Variants in TMEM182 observed in about 807,000 individuals in gnomAD.
TMEM182 encodes transmembrane protein 182.
Under a neutral mutation model 26.8 loss-of-function variants are expected in TMEM182, and 20 were observed. The observed-to-expected ratio is 0.75, with a 90% CI of 0.53 to 1.09. The LOEUF (loss-of-function observed/expected upper bound fraction) is 1.09. Ranked by LOEUF, TMEM182 falls within the 50% of genes least tolerant of loss-of-function variation. The pLI, the probability that TMEM182 is intolerant of heterozygous loss-of-function variation, is 0.00. For missense variants in TMEM182, 277 were observed against 275.5 expected, an observed-to-expected ratio of 1.01 and a Z score of -0.04; for synonymous variants, 109 against 102.2, an observed-to-expected ratio of 1.07 and a Z score of -0.40.
chr2:102,780,302 G>T (rs1681113464), intron 3 of TMEM182, among the ~76,000 whole-genome samples: 1 of 152,088 alleles, frequency 6.6e-6, no homozygotes, highest in Admixed American at 6.6e-5. Context: ...GAAGGAGTAG[G>T]CATTGCCTCA....
chr2:102,842,236 G>C (rs1365903256), intron 3 of TMEM182, among the ~76,000 whole-genome samples: 2 of 152,096 alleles, frequency 1.3e-5, no homozygotes, highest in African/African-American at 4.8e-5. Flanking sequence ...ATTATTATCT[G>C]TATGCTCCTA....
chr2:102,806,718 C>T (rs79596867), intron 4 of TMEM182, among the ~76,000 whole-genome samples: 6,370 of 152,234 alleles, frequency 0.042, 454 homozygotes, highest in African/African-American at 0.15. Context: ...TTGTCATGTT[C>T]CAGGCACTGT....
downstream of TMEM182, among the ~76,000 whole-genome samples, chr2:102,821,828 A>G (rs556972437): frequency 8.5e-5 from 13 of 152,136 alleles, no homozygotes; most frequent in South Asian, 2.3e-3. Flanking sequence ...CTCTACTAAA[A>G]ATACAAAAAA....
chr2:102,756,406 C>T (rs1680033673), intron 1 of TMEM182, among the ~76,000 whole-genome samples: 1 of 152,100 alleles, frequency 6.6e-6, no homozygotes, highest in African/African-American at 2.4e-5. Context: ...TCCCATTTTC[C>T]ATATTAAAAA....
In TMEM182 at chr2:102,814,748, G is replaced by T; in HGVS notation, c.470G>T (p.Gly157Val). The change falls in exon 5 of 5, where the codon GGC (glycine) becomes GTC (valine). Residue 157 changes from glycine to valine, a missense_variant and splice_region_variant. Gly to Val is a moderately radical substitution (Grantham distance 109). Coordinates refer to ENST00000412401, the MANE Select transcript of TMEM182 (RefSeq NM_144632.5). The part of the protein sequence containing the change: ...KAGGGSYIAA[G>V]ILFSLVVMLY... ...CAGTCTTCTGTTTCATCCTTCTCAG[G>T]CATCCTATTTTCATTGGTGGTGATG... The T allele has an allele frequency of 6.2e-7, 1 of 1,611,932 alleles. No individual in the cohort carries two copies. Among genetic ancestry groups the T allele is most frequent in the Non-Finnish European group, 8.5e-7 (1 of 1,178,716 alleles).
At position 102,746,953 on chromosome 2, in the gene TMEM182, A is replaced by T. The variant is rs150223379; in HGVS notation, c.-83+9940A>T. Among the ~76,000 whole-genome samples, 524 of 152,270 alleles carry T rather than the reference A, an allele frequency of 3.4e-3. 6 individuals carry two copies. Among genetic ancestry groups the T allele is most frequent in the African/African-American group, 0.012 (500 of 41,524 alleles). Reference sequence around the variant, plus strand: ...TCTTGCTGTTCTTACTGAATTTTAAAATATTTTCTTTAACGAATGTTTTAC... The same window carrying T: ...TCTTGCTGTTCTTACTGAATTTTAATATATTTTCTTTAACGAATGTTTTAC... On this transcript the variant is annotated intron_variant, in intron 1 of 5. Transcript: ENST00000409173.
intron 4 of TMEM182, among the ~76,000 whole-genome samples, chr2:102,812,397 A>C (rs929838256): frequency 7.1e-6 from 1 of 140,224 alleles, no homozygotes; most frequent in African/African-American, 3.1e-5. Context: ...ACACACACAC[A>C]CACACACACA....
intron 1 of TMEM182, among the ~76,000 whole-genome samples, chr2:102,743,405 G>T (rs1679597990): frequency 6.6e-6 from 1 of 152,260 alleles, no homozygotes; most frequent in East Asian, 1.9e-4. Context: ...GGCAGAGGTG[G>T]GAGGATCATT....
intron 3 of TMEM182, among the ~76,000 whole-genome samples, chr2:102,842,954 C>G (rs1247568187): frequency 6.6e-6 from 1 of 152,148 alleles, no homozygotes; most frequent in Non-Finnish European, 1.5e-5. Context: ...GACACCTCCC[C>G]TTGGCCATAG....
chr2:102,830,127 G>T (rs1201214184), intron 3 of TMEM182, among the ~76,000 whole-genome samples: 1 of 152,188 alleles, frequency 6.6e-6, no homozygotes, highest in Non-Finnish European at 1.5e-5. Context: ...TCATTGGCCT[G>T]CCATTCCTTG....
chr2:102,765,339 T>A (rs1329849598), intron 3 of TMEM182, among the ~76,000 whole-genome samples: 7 of 152,168 alleles, frequency 4.6e-5, no homozygotes, highest in Admixed American at 2.0e-4. Flanking sequence ...TCTTCTGCAA[T>A]CTGGAAGCTG....
At chr2:102,831,409 A>G (rs993007933) in intron 3 of TMEM182, among the ~76,000 whole-genome samples, 1 of 152,230 alleles carries the variant, frequency 6.6e-6, no homozygotes, top group Non-Finnish European at 1.5e-5. Context: ...AAAGGTAAAC[A>G]GGATCCACCC....
intron 1 of TMEM182, among the ~76,000 whole-genome samples, chr2:102,752,110 T>C (rs1679891465): frequency 6.6e-6 from 1 of 152,162 alleles, no homozygotes; most frequent in Non-Finnish European, 1.5e-5. Flanking sequence ...AGGGACAGGA[T>C]TTAGTCCATA....
chr2:102,824,354 C>T (rs1160970916), intron 3 of TMEM182, among the ~76,000 whole-genome samples: 2 of 152,180 alleles, frequency 1.3e-5, no homozygotes, highest in African/African-American at 2.4e-5. Flanking sequence ...CTGCCCAAAT[C>T]TCATGTCGAA....
At chr2:102,792,041 T>C (rs1352066443) in intron 3 of TMEM182, among the ~76,000 whole-genome samples, 7 of 147,158 alleles carry the variant, frequency 4.8e-5, no homozygotes, top group East Asian at 2.0e-4. Flanking sequence ...TATGTGTGTA[T>C]ACACACACAC....
At chr2:102,810,588 A>G (rs1682519362) in intron 4 of TMEM182, among the ~76,000 whole-genome samples, 1 of 152,210 alleles carries the variant, frequency 6.6e-6, no homozygotes. Flanking sequence ...ATTGTTTCAC[A>G]TACTGCCAAT....
rs10629082 is a variant in TMEM182, at chr2:102,811,058, C to CAAAAAAAAA, written c.470-3674_470-3666dup. On this transcript the variant is annotated intron_variant, in intron 4 of 4. Coordinates refer to ENST00000412401, the MANE Select transcript of TMEM182 (RefSeq NM_144632.5). Reference sequence around the variant, plus strand: ...ACTATTCCATTAATGTCCTCTATAGCAAAAAAAAAAAAAAAAAAAAAAAAT... The same window carrying CAAAAAAAAA: ...ACTATTCCATTAATGTCCTCTATAGCAAAAAAAAAAAAAAAAAAAAAAAAAAAAAAAAAT... Among the ~76,000 whole-genome samples, 13 of 94,442 alleles carry CAAAAAAAAA rather than the reference C, an allele frequency of 1.4e-4. 2 individuals carry two copies. Among genetic ancestry groups the CAAAAAAAAA allele is most frequent in the Admixed American group, 6.2e-4 (5 of 8,032 alleles). The allele number at this position is 94,442 out of a possible 152,430, so 62.0% of individuals were successfully genotyped here.
chr2:102,802,976 G>T (rs572458698), intron 4 of TMEM182, among the ~76,000 whole-genome samples: 1 of 152,362 alleles, frequency 6.6e-6, no homozygotes, highest in Non-Finnish European at 1.5e-5. Flanking sequence ...GGAGGAGACT[G>T]CAGAGCTCTG....
chr2:102,773,243 A>C (rs1411122669), intron 3 of TMEM182, among the ~76,000 whole-genome samples: 1 of 151,958 alleles, frequency 6.6e-6, no homozygotes, highest in African/African-American at 2.4e-5. Flanking sequence ...GGGGGCTGAC[A>C]TTTGGGTGAG....
Sources: gnomAD v4.1 joint callset for allele counts (sites outside exome capture counted in the v4.1 genomes callset) on GRCh38, gnomAD v4.1.1 for gene constraint, MANE v1.5 for transcripts, NCBI Gene and HGNC (gene_info 2026-07-23, HGNC 2026-07-21) for gene names.